Variants in CTCF observed in about 807,000 individuals in gnomAD.
CTCF encodes the protein transcriptional repressor CTCF.
In CTCF, 7 loss-of-function variants were observed where a neutral mutation model predicts 72.3. The ratio of observed to expected loss-of-function variants is 0.10; its 90% CI spans 0.06 to 0.18. CTCF has a LOEUF of 0.18. CTCF is among the 10% of genes least tolerant of loss of function. The pLI, the probability that CTCF is intolerant of heterozygous loss-of-function variation, is 1.00. For synonymous variants in CTCF, 374 were observed against 315.8 expected (o/e 1.18, Z -1.95); for missense variants, 516 against 949.1 (o/e 0.54, Z 6.00).
intron 7 of CTCF, among the ~76,000 whole-genome samples, chr16:67,623,052 C>A (rs1323140665): frequency 6.6e-6 from 1 of 151,708 alleles, no homozygotes; most frequent in Non-Finnish European, 1.5e-5. Context: ...ACCTCCGCCT[C>A]CTGGGTTCAA....
intron 2 of CTCF, among the ~76,000 whole-genome samples, chr16:67,608,538 G>A (rs1227446647): frequency 6.6e-6 from 1 of 152,106 alleles, no homozygotes; most frequent in South Asian, 2.1e-4. Flanking sequence ...ACAGGGTGGG[G>A]AAAATGGGGA....
chr16:67,593,514 A>T (rs1299466185), intron 2 of CTCF, among the ~76,000 whole-genome samples: 1 of 152,152 alleles, frequency 6.6e-6, no homozygotes, highest in Non-Finnish European at 1.5e-5. Flanking sequence ...GCTGTAAAGG[A>T]CATTATTTCA....
intron 10 of CTCF, 99 bp downstream of exon 10, chr16:67,629,632 C>T: frequency 8.4e-7 from 1 of 1,186,802 alleles, no homozygotes; most frequent in Non-Finnish European, 1.2e-6. Flanking sequence ...GAGGCGGGCA[C>T]ACACTCTTCC....
At chr16:67,611,806 A>G in intron 3 of CTCF, 145 bp from the exon 4 acceptor site, 1 of 915,092 alleles carries the variant, frequency 1.1e-6, no homozygotes, top group Non-Finnish European at 1.7e-6. Context: ...GAAGAAGGAA[A>G]TGTATTAGTG....
intron 2 of CTCF, among the ~76,000 whole-genome samples, chr16:67,590,675 G>A (rs764962170): frequency 6.6e-6 from 1 of 151,448 alleles, no homozygotes. Flanking sequence ...CACGGTGATC[G>A]GCCAGGTGTG....
rs182009086 is a variant in CTCF at position 67,629,967 on chromosome 16, G to A, written c.1837+434G>A. Among the ~76,000 whole-genome samples, 446 of 150,204 alleles carry A rather than the reference G, an allele frequency of 3.0e-3. 4 individuals carry two copies. The highest frequency in any genetic ancestry group is 0.015 in the South Asian group (71 of 4,716). ...TTTTTTTGTATTTTTTAGTAGAGAC[G>A]GGGTTTCACCGTGTTAGCCAGAATG... On this transcript the variant is annotated intron_variant, in intron 10 of 11. Transcript: ENST00000264010.
At chr16:67,581,922 T>TAA (rs2051588251) in intron 2 of CTCF, among the ~76,000 whole-genome samples, 1 of 152,154 alleles carries the variant, frequency 6.6e-6, no homozygotes, top group Non-Finnish European at 1.5e-5. Context: ...TCACACAGCC[T>TAA]CTGTTAGATA....
intron 2 of CTCF, among the ~76,000 whole-genome samples, chr16:67,586,941 G>A (rs957558895): frequency 1.3e-5 from 2 of 151,786 alleles, no homozygotes; most frequent in African/African-American, 4.8e-5. Flanking sequence ...CTACAGGCCC[G>A]CACCACCATG....
At chr16:67,584,217 G>T (rs1315649642) in intron 2 of CTCF, among the ~76,000 whole-genome samples, 1 of 151,828 alleles carries the variant, frequency 6.6e-6, no homozygotes, top group African/African-American at 2.4e-5. Context: ...AGCTACTCGG[G>T]AGACTGAAGC....
At chr16:67,576,846 T>G (rs1012789278) in intron 2 of CTCF, among the ~76,000 whole-genome samples, 6 of 152,132 alleles carry the variant, frequency 3.9e-5, no homozygotes, top group Non-Finnish European at 8.8e-5. Flanking sequence ...TAGAATGTTG[T>G]GTAGCCATTA....
chr16:67,610,304 AGTTT>A (rs1183122869), intron 2 of CTCF, among the ~76,000 whole-genome samples: 1 of 145,734 alleles, frequency 6.9e-6, no homozygotes, highest in East Asian at 2.0e-4. Context: ...AGAGTTTTGG[AGTTT>A]GTTTGACAAA....
At chr16:67,571,477 AC>A (rs2072282932) in intron 2 of CTCF, among the ~76,000 whole-genome samples, 1 of 151,960 alleles carries the variant, frequency 6.6e-6, no homozygotes, top group Admixed American at 6.6e-5. Flanking sequence ...TAACCTGTCT[AC>A]TCCTGTAGTC....
intron 2 of CTCF, among the ~76,000 whole-genome samples, chr16:67,599,980 G>T (rs896938229): frequency 1.3e-5 from 2 of 152,168 alleles, no homozygotes; most frequent in African/African-American, 4.8e-5. Flanking sequence ...GAGCCTTGGT[G>T]TGCTCAGGGG....
intron 2 of CTCF, among the ~76,000 whole-genome samples, chr16:67,603,330 C>G (rs2051922621): frequency 6.6e-6 from 1 of 151,586 alleles, no homozygotes; most frequent in Non-Finnish European, 1.5e-5. Context: ...GAGATCGAGA[C>G]CATCCTGCCT....
chr16:67,582,743 A>G (rs891718577), intron 2 of CTCF, among the ~76,000 whole-genome samples: 2 of 152,080 alleles, frequency 1.3e-5, no homozygotes, highest in Admixed American at 6.6e-5. Context: ...AGCCAAGTTT[A>G]TTGTAAATTT....
At chr16:67,571,580 A>G (rs1342140573) in intron 2 of CTCF, among the ~76,000 whole-genome samples, 4 of 152,214 alleles carry the variant, frequency 2.6e-5, no homozygotes, top group African/African-American at 9.6e-5. Context: ...TATTCTGAAC[A>G]TGTACATAGA....
intron 10 of CTCF, among the ~76,000 whole-genome samples, chr16:67,631,166 T>TG (rs2052358982): frequency 1.6e-5 from 2 of 122,410 alleles, no homozygotes; most frequent in Admixed American, 7.6e-5. Flanking sequence ...TTTTTTTTTG[T>TG]TTTTTGTTTT....
At chr16:67,606,502 G>A (rs138235981) in intron 2 of CTCF, among the ~76,000 whole-genome samples, 6 of 152,318 alleles carry the variant, frequency 3.9e-5, no homozygotes, top group Non-Finnish European at 5.9e-5. Context: ...TGGGATTACA[G>A]GCGTGAGCCA....
rs1264795508 is a variant in CTCF at position 67,628,448 on chromosome 16, C to G, written c.1597C>G (p.Arg533Gly). 1 of 1,614,202 alleles carries G rather than the reference C, an allele frequency of 6.2e-7. No homozygotes were observed. Among genetic ancestry groups the G allele is most frequent in the Non-Finnish European group, 8.5e-7 (1 of 1,180,044 alleles). The stretch of plus-strand genomic sequence containing the variant: ...CTGCAGCCACTGCGATAAGACCTTC[C>G]GCCAGAAGCAGCTTCTCGACATGCA... ...YACSHCDKTF[R>G]QKQLLDMHFK... Residue 533 changes from arginine to glycine, a missense_variant, in exon 9 of 12, where the codon CGC (arginine) becomes GGC (glycine). Arg to Gly is a moderately radical substitution (Grantham distance 125). Coordinates refer to ENST00000264010, the MANE Select transcript of CTCF (RefSeq NM_006565.4).
Sources: gnomAD v4.1 joint callset for allele counts (sites outside exome capture counted in the v4.1 genomes callset) on GRCh38, gnomAD v4.1.1 for gene constraint, MANE v1.5 for transcripts, NCBI Gene and HGNC (gene_info 2026-07-23, HGNC 2026-07-21) for gene names.